Variants in CATSPERB observed in about 807,000 individuals in gnomAD.
CATSPERB encodes catsper channel auxiliary subunit beta.
Under a neutral mutation model 128.3 loss-of-function variants are expected in CATSPERB, and 93 were observed. The observed-to-expected ratio is 0.72, with a 90% confidence interval of 0.61 to 0.86. The LOEUF (loss-of-function observed/expected upper bound fraction) is 0.86. Ranked by LOEUF, CATSPERB falls within the 40% of genes least tolerant of loss-of-function variation. CATSPERB has a pLI of 0.00. For synonymous variants in CATSPERB, 381 were observed against 448.8 expected, an observed-to-expected ratio of 0.85 and a Z score of 1.91; for missense variants, 1,153 against 1,329.5, an observed-to-expected ratio of 0.87 and a Z score of 2.06.
At chr14:91,668,571 A>G (rs186542080) in intron 14 of CATSPERB, among the ~76,000 whole-genome samples, 127 of 152,314 alleles carry the variant, frequency 8.3e-4, no homozygotes, top group African/African-American at 3.0e-3. Context: ...GACCCCTTCC[A>G]TGCTGTGGAA....
chr14:91,678,601 T>C lies in CATSPERB; in HGVS notation c.932-4379A>G, dbSNP rs573721840. ...CAAAAGCTCTTCAAGTGCACATGCA[T>C]CTTTGATAAATAAAACTGGTTTTAA... On this transcript the variant is annotated intron_variant, in intron 11 of 26. Coordinates refer to ENST00000256343, the MANE Select transcript of CATSPERB (RefSeq NM_024764.4). 5.9e-5 allele frequency among the ~76,000 whole-genome samples: 9 copies of C among 152,322 alleles called. No homozygotes were observed. The East Asian group carries it at 1.7e-3, about 29-fold the overall frequency.
At chr14:91,601,770 A>G (rs907834376) in intron 22 of CATSPERB, among the ~76,000 whole-genome samples, 9 of 152,074 alleles carry the variant, frequency 5.9e-5, no homozygotes, top group Admixed American at 2.0e-4. Flanking sequence ...TGAGGTTTTT[A>G]GGTATTTTTT....
chr14:91,674,271 C>T (rs1895152910), intron 11 of CATSPERB, 49 bp from the exon 12 acceptor site: 1 of 1,168,756 alleles, frequency 8.6e-7, no homozygotes, highest in Non-Finnish European at 1.3e-6. Context: ...ATCTGTATTT[C>T]TAAAACTGGA....
At chr14:91,724,595 T>C (rs976516408) in intron 3 of CATSPERB, among the ~76,000 whole-genome samples, 2 of 152,180 alleles carry the variant, frequency 1.3e-5, no homozygotes, top group African/African-American at 4.8e-5. Flanking sequence ...TGCTGCATGA[T>C]CTTGATAGCA....
In CATSPERB at chr14:91,688,019, G is replaced by A. The variant is rs146488906; in HGVS notation, c.864+3504C>T. The stretch of plus-strand genomic sequence containing the variant: ...TTATATGGATAGACAGAAAACACAC[G>A]AATAAATATGAGATAAAATGAGAGA... On this transcript the variant is annotated intron_variant, in intron 10 of 26. Coordinates refer to ENST00000256343, the MANE Select transcript of CATSPERB (RefSeq NM_024764.4). Among the ~76,000 whole-genome samples, 487 of 151,130 alleles carry A rather than the reference G, an allele frequency of 3.2e-3. 3 individuals carry two copies. Among genetic ancestry groups the A allele is most frequent in the Non-Finnish European group, 4.2e-3 (282 of 67,904 alleles).
intron 5 of CATSPERB, chr14:91,714,788 G>A: frequency 6.6e-6 from 1 of 152,282 alleles, no homozygotes; most frequent in Non-Finnish European, 1.5e-5. Flanking sequence ...TCAAACTCCT[G>A]ACCTCAGGTG....
chr14:91,731,460 A>G (rs907288383), intron 1 of CATSPERB, among the ~76,000 whole-genome samples: 4 of 152,220 alleles, frequency 2.6e-5, no homozygotes, highest in African/African-American at 7.2e-5. Context: ...ATTTTTAGCA[A>G]GCTATTTAAC....
intron 3 of CATSPERB, among the ~76,000 whole-genome samples, chr14:91,723,586 G>A (rs985384393): frequency 6.6e-5 from 10 of 152,096 alleles, no homozygotes; most frequent in African/African-American, 1.9e-4. Flanking sequence ...AAAATGTAGC[G>A]ATCAGAAATG....
chr14:91,719,040 A>G (rs934299067), intron 5 of CATSPERB, among the ~76,000 whole-genome samples: 7 of 152,232 alleles, frequency 4.6e-5, no homozygotes, highest in Admixed American at 3.9e-4. Context: ...AATAGATTCC[A>G]TAATAAAATA....
At chr14:91,603,652 G>GGGAT (rs1316042896) in intron 22 of CATSPERB, among the ~76,000 whole-genome samples, 2 of 152,186 alleles carry the variant, frequency 1.3e-5, no homozygotes, top group East Asian at 3.8e-4. Flanking sequence ...TCAGCTTCTG[G>GGGAT]GGATGCCTCA....
chr14:91,729,677 A>G (rs1896181626), intron 1 of CATSPERB, among the ~76,000 whole-genome samples, 198 bp from the exon 2 acceptor site: 1 of 152,224 alleles, frequency 6.6e-6, no homozygotes. Context: ...GTAAATTTAT[A>G]GGTATAATTA....
At chr14:91,706,491 G>A (rs1026617391) in intron 6 of CATSPERB, among the ~76,000 whole-genome samples, 4 of 152,170 alleles carry the variant, frequency 2.6e-5, no homozygotes, top group African/African-American at 4.8e-5. Flanking sequence ...AGTTTTGACT[G>A]CTACTAAGAA....
chr14:91,712,056 A>T (rs1273936128), intron 5 of CATSPERB, among the ~76,000 whole-genome samples: 1 of 152,202 alleles, frequency 6.6e-6, no homozygotes, highest in African/African-American at 2.4e-5. Context: ...AATTTATTGG[A>T]TGCAGATAAA....
rs61988746 is a variant in CATSPERB at position 91,641,446 on chromosome 14, T to G, written c.1433-2196A>C. On this transcript the variant is annotated intron_variant, in intron 15 of 26. Transcript: ENST00000256343. ...TAAGGAAGGGATCCAGTTTCCCCAGTACCATTTATTAAATAGGGAATCCTT... is the reference window on the plus strand; with the variant it reads ...TAAGGAAGGGATCCAGTTTCCCCAGGACCATTTATTAAATAGGGAATCCTT... 3.3e-5 allele frequency among the ~76,000 whole-genome samples: 5 copies of G among 151,872 alleles called. No individual in the cohort carries two copies. In the East Asian group the frequency reaches 9.7e-4, roughly 29 times the overall value.
At chr14:91,621,147 A>AT (rs1413522010) in intron 19 of CATSPERB, among the ~76,000 whole-genome samples, 1 of 152,352 alleles carries the variant, frequency 6.6e-6, no homozygotes, top group Non-Finnish European at 1.5e-5. Context: ...CACGCCTGTA[A>AT]TCCCAGCATT....
At chr14:91,673,413 C>A (rs1390576705) in intron 12 of CATSPERB, among the ~76,000 whole-genome samples, 1 of 152,172 alleles carries the variant, frequency 6.6e-6, no homozygotes, top group Non-Finnish European at 1.5e-5. Flanking sequence ...ATCTACCATT[C>A]TCCTTGGCTG....
chr14:91,660,324 T>G (rs1024153227), intron 14 of CATSPERB, among the ~76,000 whole-genome samples: 1 of 152,172 alleles, frequency 6.6e-6, no homozygotes, highest in Admixed American at 6.5e-5. Flanking sequence ...GAGTGCTGGG[T>G]GCATTTGGAT....
chr14:91,609,501 G>C (rs1030734809), intron 21 of CATSPERB, among the ~76,000 whole-genome samples: 27 of 152,154 alleles, frequency 1.8e-4, no homozygotes, highest in African/African-American at 6.5e-4. Flanking sequence ...TACTACAGCT[G>C]ATTTTATGCA....
chr14:91,697,593 G>A (rs1895584891), intron 7 of CATSPERB, among the ~76,000 whole-genome samples: 1 of 152,134 alleles, frequency 6.6e-6, no homozygotes, highest in African/African-American at 2.4e-5. Context: ...TTTTTCTTTT[G>A]TGTATGGCTA....
Sources: gnomAD v4.1 joint callset for allele counts (sites outside exome capture counted in the v4.1 genomes callset) on GRCh38, gnomAD v4.1.1 for gene constraint, MANE v1.5 for transcripts, NCBI Gene and HGNC (gene_info 2026-07-23, HGNC 2026-07-21) for gene names.